DMD: variants seen among roughly 807,000 people sequenced by gnomAD.
The protein encoded by DMD is dystrophin, also known as mutant dystrophin.
A neutral mutation model predicts 330.1 loss-of-function variants in DMD; 63 were observed. The ratio of observed to expected loss-of-function variants is 0.19; its 90% CI spans 0.16 to 0.24. DMD has a LOEUF of 0.24. DMD is among the 10% of genes least tolerant of loss of function. The pLI, the probability that DMD is intolerant of heterozygous loss-of-function variation, is 1.00. For missense variants in DMD, 3,344 were observed against 2,684.1 expected (o/e 1.25, Z -5.43); for synonymous variants, 1,223 against 959.8 (o/e 1.27, Z -5.07).
intron 45 of DMD, among the ~76,000 whole-genome samples, chrX:31,962,179 A>G (rs1489839452): frequency 9.0e-6 from 1 of 111,619 alleles, no homozygotes; most frequent in South Asian, 3.8e-4. Flanking sequence ...TAGAGTTGTT[A>G]TAAGTATTGA....
chrX:33,211,561 G>C, upstream of DMD: 2 of 1,027,145 alleles, frequency 1.9e-6, no homozygotes, highest in Non-Finnish European at 2.5e-6. Context: ...CCAGGATTCT[G>C]TAGAGGCCCC....
intron 67 of DMD, among the ~76,000 whole-genome samples, chrX:31,186,066 T>G (rs2041744225): frequency 8.9e-6 from 1 of 111,843 alleles, no homozygotes; most frequent in African/African-American, 3.3e-5. Context: ...GCAGGAGGGT[T>G]TAGACTGACA....
intron 44 of DMD, among the ~76,000 whole-genome samples, chrX:32,123,879 A>G (rs1040025761): frequency 8.9e-6 from 1 of 112,480 alleles, no homozygotes. Context: ...GGTAAGGTAC[A>G]CTATTGATTT....
chrX:32,405,366 C>T (rs1029543557), intron 30 of DMD, among the ~76,000 whole-genome samples: 12 of 111,525 alleles, frequency 1.1e-4, no homozygotes, highest in Admixed American at 1.9e-4. Flanking sequence ...TGCAGTCACA[C>T]AATTTCGTGA....
rs1603448401 is a variant in DMD, at chrX:32,849,721, C to T, written c.186+7G>A. The T allele has an allele frequency of 8.5e-7, 1 of 1,175,978 alleles. No homozygotes were observed. The highest frequency in any genetic ancestry group is 2.2e-5 in the Admixed American group (1 of 45,837). On this transcript the variant is annotated splice_region_variant and intron_variant, in intron 3 of 78. Transcript: ENST00000357033. ...AAAGTTAACTTTCTTAAAAATAAGT[C>T]ACATACCAGTTTTTGCCCTGTCAGG...
In DMD at chrX:32,817,936, C is replaced by T. The variant is rs777597693; in HGVS notation, c.358-1296G>A. Among the ~76,000 whole-genome samples, 250 of 111,924 alleles carry T rather than the reference C, an allele frequency of 2.2e-3. 1 individual carries two copies. The highest frequency in any genetic ancestry group is 7.8e-3 in the African/African-American group (239 of 30,832). ...ATCTTTGCATGTATCTGTCACAATC[C>T]CTTGATAACTAAGCCTATTATTTAG... On this transcript the variant is annotated intron_variant, in intron 5 of 78. Transcript: ENST00000357033.
chrX:31,466,531 T>C lies in DMD; in HGVS notation c.8937+11575A>G, dbSNP rs766974214. The stretch of plus-strand genomic sequence containing the variant: ...GTTCCATTGGTCTATATATCTGTTT[T>C]GGTACCAATACCATACTGTTTTGGT... On this transcript the variant is annotated intron_variant, in intron 59 of 78. Transcript: ENST00000357033. 1.7e-4 allele frequency among the ~76,000 whole-genome samples: 19 copies of C among 111,871 alleles called. No individual in the cohort carries two copies. The South Asian group carries it at 6.0e-3, about 35-fold the overall frequency.
intron 52 of DMD, among the ~76,000 whole-genome samples, chrX:31,721,404 T>C (rs2085465487): frequency 1.8e-5 from 2 of 110,012 alleles, no homozygotes. Context: ...CCAATCAATT[T>C]TGAAGTCCTT....
chrX:32,897,118 A>G (rs2085795086), intron 2 of DMD, among the ~76,000 whole-genome samples: 1 of 111,694 alleles, frequency 9.0e-6, no homozygotes, highest in East Asian at 2.8e-4. Flanking sequence ...TGCCTATTAA[A>G]TATGCCCTTA....
intron 55 of DMD, among the ~76,000 whole-genome samples, chrX:31,611,896 A>G (rs182086825): frequency 1.8e-5 from 2 of 111,493 alleles, no homozygotes; most frequent in Admixed American, 1.9e-4. Context: ...GGTACATAGT[A>G]GGTGCATATA....
intron 41 of DMD, among the ~76,000 whole-genome samples, chrX:32,312,941 C>CAAAAAAAAAAA (rs1171543953): frequency 5.7e-4 from 11 of 19,199 alleles, no homozygotes; most frequent in Non-Finnish European, 1.2e-3. Context: ...AGCCTACGAA[C>CAAAAAAAAAAA]CAAAAAAAAA....
intron 54 of DMD, among the ~76,000 whole-genome samples, chrX:31,639,901 G>A (rs973762511): frequency 4.5e-5 from 5 of 110,792 alleles, no homozygotes; most frequent in African/African-American, 6.6e-5. Context: ...GAAAACCACC[G>A]ATACAGAGCC....
Position 32,860,749 on chromosome X carries a change from G to A in DMD, c.94-10929C>T, listed in dbSNP as rs376496083. ...TACCAGCATCGAGATTTAAGAAACA[G>A]AATATGATCAACACCCTAGCAGCTT... is the stretch of plus-strand genomic sequence containing the variant. On this transcript the variant is annotated intron_variant, in intron 2 of 78. Transcript: ENST00000357033. 5.4e-5 allele frequency among the ~76,000 whole-genome samples: 6 copies of A among 110,895 alleles called. No individual in the cohort carries two copies. In the East Asian group the frequency reaches 1.7e-3, roughly 32 times the overall value.
intron 4 of DMD, among the ~76,000 whole-genome samples, chrX:32,843,771 G>A (rs1245384074): frequency 2.7e-5 from 3 of 111,721 alleles, no homozygotes; most frequent in Non-Finnish European, 3.8e-5. Flanking sequence ...TAATAAGAAA[G>A]GAAGGCTGCC....
chrX:32,649,922 C>A (rs1008694234), intron 9 of DMD, among the ~76,000 whole-genome samples: 1 of 111,260 alleles, frequency 9.0e-6, no homozygotes, highest in African/African-American at 3.3e-5. Context: ...TGAGATAGTG[C>A]ATATAAAATG....
At chrX:33,259,798 G>A (rs1317498806) in intron 1 of DMD, among the ~76,000 whole-genome samples, 1 of 109,231 alleles carries the variant, frequency 9.2e-6, no homozygotes, top group African/African-American at 3.3e-5. Flanking sequence ...CCACATAGTC[G>A]AAATTCAACA....
chrX:32,139,705 T>C lies in DMD; in HGVS notation c.6438+77211A>G, dbSNP rs779693901. Among the ~76,000 whole-genome samples, 20 of 112,147 alleles carry C rather than the reference T, an allele frequency of 1.8e-4. No homozygotes were observed. The South Asian group carries it at 7.1e-3, about 40-fold the overall frequency. ...GGTAATATACTGTATTTGGTTAATA[T>C]GTAACTGGGGAAAGTTGGGTTATGT... On this transcript the variant is annotated intron_variant, in intron 44 of 78. Coordinates refer to ENST00000357033, the MANE Select transcript of DMD (RefSeq NM_004006.3).
chrX:31,724,983 C>G (rs750499732), intron 52 of DMD, among the ~76,000 whole-genome samples: 2 of 112,086 alleles, frequency 1.8e-5, no homozygotes, highest in Admixed American at 9.5e-5. Flanking sequence ...AAAGTATAAA[C>G]AGGAGCAGCA....
chrX:32,034,439 A>G (rs2095922971), intron 44 of DMD, among the ~76,000 whole-genome samples: 1 of 111,880 alleles, frequency 8.9e-6, no homozygotes, highest in Non-Finnish European at 1.9e-5. Flanking sequence ...GAGTCTCTTC[A>G]TAAATTACCA....
Sources: gnomAD v4.1 joint callset for allele counts (sites outside exome capture counted in the v4.1 genomes callset) on GRCh38, gnomAD v4.1.1 for gene constraint, MANE v1.5 for transcripts, NCBI Gene and HGNC (gene_info 2026-07-23, HGNC 2026-07-21) for gene names.